The following TTC7A variants were observed in gnomAD, a reference collection of about 807,000 sequenced individuals.
TTC7A encodes the protein tetratricopeptide repeat domain 7A, also known as tetratricopeptide repeat protein 7A.
TTC7A carries 110 observed loss-of-function variants against 103.7 expected under a neutral mutation model. That is an observed-to-expected ratio of 1.06 (90% CI 0.91 to 1.24). TTC7A has a LOEUF of 1.24. Ranked by LOEUF, TTC7A falls within the 50% of genes most tolerant of loss-of-function variation. The probability of loss-of-function intolerance (pLI) is 0.00; values close to 1 mark genes in which losing one functional copy is unlikely to be tolerated. For synonymous variants in TTC7A, 521 were observed against 467.9 expected, an observed-to-expected ratio of 1.11 and a Z score of -1.47; for missense variants, 1,340 against 1,116.3, an observed-to-expected ratio of 1.20 and a Z score of -2.86.
At chr2:46,986,146 A>G (rs1451464780) in intron 5 of TTC7A, among the ~76,000 whole-genome samples, 4 of 152,358 alleles carry the variant, frequency 2.6e-5, no homozygotes, top group Non-Finnish European at 5.9e-5. Context: ...TACTGACGTC[A>G]GCTCATCTGC....
At chr2:47,022,446 T>A (rs1572937414) in intron 12 of TTC7A, among the ~76,000 whole-genome samples, 1 of 152,172 alleles carries the variant, frequency 6.6e-6, no homozygotes. Context: ...ACGCAGCAGG[T>A]GCTTAGTAAC....
rs573556419 is a variant in TTC7A at position 47,069,330 on chromosome 2, A to C, written c.2356-4372A>C. Among the ~76,000 whole-genome samples, 9 of 152,288 alleles carry C rather than the reference A, an allele frequency of 5.9e-5. No homozygotes were observed. In the South Asian group the frequency reaches 1.7e-3, roughly 28 times the overall value. On this transcript the variant is annotated intron_variant, in intron 19 of 19. Transcript: ENST00000319190. ...GCCCCTCTGAAAACAGACAACCCTT[A>C]GCCCCAGCTGAAGAGGCCTACTGGT...
chr2:46,939,318 G>C (rs1009703282), upstream of TTC7A, among the ~76,000 whole-genome samples: 91 of 152,268 alleles, frequency 6.0e-4, no homozygotes, highest in African/African-American at 2.1e-3. Context: ...ACTTTGGGAG[G>C]CCAAGGTGGG....
chr2:46,921,077 CTG>C (rs1669079606), intron 2 of TTC7A, among the ~76,000 whole-genome samples: 1 of 151,988 alleles, frequency 6.6e-6, no homozygotes, highest in South Asian at 2.1e-4. Context: ...GAGTGAAAGA[CTG>C]AATGCTTTTC....
At chr2:47,033,352 A>C (rs1284097482) in intron 15 of TTC7A, among the ~76,000 whole-genome samples, 2 of 152,230 alleles carry the variant, frequency 1.3e-5, no homozygotes, top group African/African-American at 2.4e-5. Flanking sequence ...CCAGTGCCTG[A>C]GGCCTATTAG....
chr2:47,005,789 G>T lies in TTC7A; in HGVS notation c.1066-133G>T, dbSNP rs113344115. On this transcript the variant is annotated intron_variant, in intron 8 of 19. Coordinates refer to ENST00000319190, the MANE Select transcript of TTC7A (RefSeq NM_020458.4). Reference sequence around the variant, plus strand: ...ATAGGAAAAGGCCATTTCTGGGAGTGTGGCCATCTTTCTGGCTTGGGGCAG... The same window carrying T: ...ATAGGAAAAGGCCATTTCTGGGAGTTTGGCCATCTTTCTGGCTTGGGGCAG... The T allele has an allele frequency of 4.0e-3, 3,709 of 934,060 alleles. 93 individuals carry two copies. In the African/African-American group the frequency reaches 0.053, roughly 13 times the overall value. 57.9% of individuals were successfully genotyped at this position (934,060 alleles called of 1,614,324 possible). A position where few individuals can be genotyped will look rare whatever the true frequency, so the allele number is the denominator to read the frequency against.
chr2:47,010,667 T>C (rs972030516), intron 10 of TTC7A, among the ~76,000 whole-genome samples: 8 of 152,130 alleles, frequency 5.3e-5, no homozygotes, highest in Non-Finnish European at 1.2e-4. Flanking sequence ...AACCCCGCCA[T>C]TGGCCATGCC....
chr2:47,067,212 G>GT (rs1178943774), intron 19 of TTC7A, among the ~76,000 whole-genome samples: 2 of 152,218 alleles, frequency 1.3e-5, no homozygotes, highest in Admixed American at 6.5e-5. Flanking sequence ...CACTGGCTCA[G>GT]TTTTTTCTGC....
intron 15 of TTC7A, among the ~76,000 whole-genome samples, chr2:47,041,373 G>A (rs567000056): frequency 6.6e-6 from 1 of 152,346 alleles, no homozygotes; most frequent in Admixed American, 6.5e-5. Context: ...GGGGACGCAC[G>A]ATGAGGCACA....
intron 3 of TTC7A, among the ~76,000 whole-genome samples, chr2:46,971,289 C>A (rs1440747635): frequency 6.6e-6 from 1 of 152,152 alleles, no homozygotes; most frequent in Non-Finnish European, 1.5e-5. Context: ...TCGGGAAGGG[C>A]TTTGTAGAGG....
chr2:47,015,507 C>A lies in TTC7A; in HGVS notation c.1392+4072C>A, dbSNP rs570129572. Reference sequence around the variant, plus strand: ...TGGTAGAGTTCAAATTTCTGCCTACCCATGTACTCCCACTTACTAGCTGTG... The same window carrying A: ...TGGTAGAGTTCAAATTTCTGCCTACACATGTACTCCCACTTACTAGCTGTG... On this transcript the variant is annotated intron_variant, in intron 11 of 19. Transcript: ENST00000319190. Among the ~76,000 whole-genome samples the A allele has an allele frequency of 9.9e-5, 15 of 152,194 alleles. No individual in the cohort carries two copies. The East Asian group carries it at 2.9e-3, about 29-fold the overall frequency.
At position 46,990,154 on chromosome 2, in the gene TTC7A, T is replaced by G. The variant is rs149497714; in HGVS notation, c.765-3296T>G. Reference sequence around the variant, plus strand: ...CTGCCAGGGTTGTCCTAGACTGATGTCCCAGAATCAGCCAGTTCTTTTCTC... The same window carrying G: ...CTGCCAGGGTTGTCCTAGACTGATGGCCCAGAATCAGCCAGTTCTTTTCTC... On this transcript the variant is annotated intron_variant, in intron 5 of 19. Coordinates refer to ENST00000319190, the MANE Select transcript of TTC7A (RefSeq NM_020458.4). 1.4e-3 allele frequency among the ~76,000 whole-genome samples: 206 copies of G among 152,360 alleles called. 1 individual carries two copies. The highest frequency in any genetic ancestry group is 4.9e-3 in the African/African-American group (203 of 41,584).
At chr2:46,940,405 G>A (rs375017195), upstream of TTC7A, among the ~76,000 whole-genome samples, 79 of 152,172 alleles carry the variant, frequency 5.2e-4, no homozygotes, top group African/African-American at 1.9e-3. This position sits in a 1 kb window ranked among gnomAD's most constrained non-coding sequence, Gnocchi z 4.7. Context: ...CAGCGGGGCC[G>A]GGCCCCTGTA....
intron 11 of TTC7A, among the ~76,000 whole-genome samples, chr2:47,020,557 G>A (rs1460074141): frequency 6.6e-6 from 1 of 152,190 alleles, no homozygotes; most frequent in Admixed American, 6.5e-5. Context: ...CACTGCCCCG[G>A]CTGGCAGCTT....
At chr2:47,051,984 G>A in intron 18 of TTC7A, 104 bp downstream of exon 18, 1 of 1,429,188 alleles carries the variant, frequency 7.0e-7, no homozygotes, top group Non-Finnish European at 9.4e-7. Context: ...GGGACACCTT[G>A]CTAGGCCCAC....
intron 15 of TTC7A, among the ~76,000 whole-genome samples, chr2:47,045,239 T>A (rs373757973): frequency 5.3e-5 from 8 of 152,208 alleles, no homozygotes; most frequent in South Asian, 4.1e-4. Context: ...ACTTCCATAC[T>A]GGTTGCTGTA....
chr2:46,958,299 G>A (rs4952856), intron 3 of TTC7A, among the ~76,000 whole-genome samples: 39,608 of 152,140 alleles, frequency 0.26, 6,120 homozygotes, highest in East Asian at 0.48. Flanking sequence ...CTCATCCCCC[G>A]CTCTGCGCCT....
rs771512052 is a variant in TTC7A at position 46,956,962 on chromosome 2, C to G, written c.472C>G (p.Pro158Ala). 3.7e-6 allele frequency: 6 copies of G among 1,614,142 alleles called. No individual in the cohort carries two copies. In the South Asian group the frequency reaches 6.6e-5, roughly 18 times the overall value. ...TGATGACATGTCCATGGAGAACAAG[C>G]CCCTGTATCAGATGCGGCTGCTGTC... Reference protein sequence around the residue: ...GIDDMSMENKPLYQMRLLSEA... With the variant: ...GIDDMSMENKALYQMRLLSEA... The change falls in exon 3 of 20, where the codon CCC becomes GCC. Residue 158 changes from proline (P) to alanine (A), a missense_variant. Transcript: ENST00000319190.
In TTC7A at chr2:47,074,100, ATTTC is replaced by A; in HGVS notation, c.*181_*184del. On this transcript the variant is annotated 3_prime_UTR_variant, in exon 20 of 20. Coordinates refer to ENST00000319190, the MANE Select transcript of TTC7A (RefSeq NM_020458.4). ...GGCTGGGCCAAGAGGGCCTTCCTGG[ATTTC>A]TTTGTTGGTGCCTTGGGAAACAGTC... 2 of 605,554 alleles carry A rather than the reference ATTTC, an allele frequency of 3.3e-6. No individual in the cohort carries two copies. Among genetic ancestry groups the A allele is most frequent in the East Asian group, 5.5e-5 (2 of 36,166 alleles). The allele number at this position is 605,554 out of a possible 1,614,324, so 37.5% of individuals were successfully genotyped here.
Sources: gnomAD v4.1 joint callset for allele counts (sites outside exome capture counted in the v4.1 genomes callset) on GRCh38, gnomAD v4.1.1 for gene constraint, Gnocchi (gnomAD v3.1) non-coding constraint, MANE v1.5 for transcripts, NCBI Gene and HGNC (gene_info 2026-07-23, HGNC 2026-07-21) for gene names.